The following ADAMTS19 variants were observed in gnomAD, a reference collection of about 807,000 sequenced individuals.
ADAMTS19 encodes the protein A disintegrin and metalloproteinase with thrombospondin motifs 19.
In ADAMTS19, 93 loss-of-function variants were observed where a neutral mutation model predicts 153.3. The observed-to-expected ratio is 0.61, with a 90% CI of 0.51 to 0.72. ADAMTS19 has a LOEUF of 0.72. Ranked by LOEUF, ADAMTS19 falls within the 30% of genes least tolerant of loss-of-function variation. The pLI is 0.00. For synonymous variants in ADAMTS19, 600 were observed against 556.6 expected, an observed-to-expected ratio of 1.08 and a Z score of -1.10; for missense variants, 1,482 against 1,552.1, an observed-to-expected ratio of 0.95 and a Z score of 0.76.
At chr5:129,576,016 A>G (rs1432407004) in intron 7 of ADAMTS19, among the ~76,000 whole-genome samples, 1 of 151,280 alleles carries the variant, frequency 6.6e-6, no homozygotes, top group Admixed American at 6.6e-5. Flanking sequence ...TTCCTTCCAT[A>G]TAAAAGCAAT....
chr5:129,607,839 C>T (rs940907830), intron 8 of ADAMTS19, among the ~76,000 whole-genome samples: 1 of 151,428 alleles, frequency 6.6e-6, no homozygotes, highest in Non-Finnish European at 1.5e-5. Context: ...TAATTCACAA[C>T]AGGTATGGAA....
At chr5:129,483,712 C>T (rs1750495794) in intron 2 of ADAMTS19, among the ~76,000 whole-genome samples, 1 of 152,118 alleles carries the variant, frequency 6.6e-6, no homozygotes, top group South Asian at 2.1e-4. Context: ...TTATGGGTAG[C>T]TCTTGCTGCA....
intron 7 of ADAMTS19, among the ~76,000 whole-genome samples, chr5:129,584,035 C>G (rs1260322221): frequency 6.6e-6 from 1 of 152,100 alleles, no homozygotes; most frequent in Non-Finnish European, 1.5e-5. Context: ...TGGTTTCTCC[C>G]CATCTTTGTG....
intron 2 of ADAMTS19, among the ~76,000 whole-genome samples, chr5:129,492,894 A>T (rs1750814529): frequency 6.6e-6 from 1 of 152,184 alleles, no homozygotes; most frequent in African/African-American, 2.4e-5. Context: ...ATGTTGAGAT[A>T]GTTTCTGTTT....
At chr5:129,622,688 C>G (rs554469138) in intron 10 of ADAMTS19, among the ~76,000 whole-genome samples, 24 of 152,156 alleles carry the variant, frequency 1.6e-4, no homozygotes, top group African/African-American at 5.8e-4. Flanking sequence ...GGTTTCAGTA[C>G]CCACATCCTG....
At chr5:129,492,868 A>T (rs1251667912) in intron 2 of ADAMTS19, among the ~76,000 whole-genome samples, 1 of 152,088 alleles carries the variant, frequency 6.6e-6, no homozygotes, top group Admixed American at 6.5e-5. Flanking sequence ...AGAGTTTACC[A>T]TTTTCTTAAT....
chr5:129,583,489 A>G (rs527286150), intron 7 of ADAMTS19, among the ~76,000 whole-genome samples: 6 of 152,088 alleles, frequency 3.9e-5, no homozygotes, highest in African/African-American at 1.2e-4. Flanking sequence ...CTCCTGGATA[A>G]TATCCTGAAG....
At chr5:129,606,672 T>C (rs1016973368) in intron 8 of ADAMTS19, among the ~76,000 whole-genome samples, 5 of 152,226 alleles carry the variant, frequency 3.3e-5, no homozygotes, top group African/African-American at 7.2e-5. Context: ...ATGACTTCTA[T>C]AGAGTGACTC....
chr5:129,562,597 T>C (rs1345520745), intron 7 of ADAMTS19, among the ~76,000 whole-genome samples: 2 of 152,190 alleles, frequency 1.3e-5, no homozygotes, highest in African/African-American at 2.4e-5. Context: ...CTGAGAATGA[T>C]TGATAATCAA....
chr5:129,515,508 A>G (rs1751573474), intron 3 of ADAMTS19, among the ~76,000 whole-genome samples: 1 of 151,524 alleles, frequency 6.6e-6, no homozygotes, highest in Non-Finnish European at 1.5e-5. Flanking sequence ...GAGGTCTTTC[A>G]CTTCTTTGGT....
At chr5:129,494,200 A>G (rs1393790849) in intron 2 of ADAMTS19, among the ~76,000 whole-genome samples, 1 of 152,120 alleles carries the variant, frequency 6.6e-6, no homozygotes, top group Non-Finnish European at 1.5e-5. Flanking sequence ...AGAAATATCT[A>G]TATTTCAAAA....
intron 7 of ADAMTS19, among the ~76,000 whole-genome samples, chr5:129,575,757 G>C (rs1315681123): frequency 6.6e-6 from 1 of 151,954 alleles, no homozygotes; most frequent in South Asian, 2.1e-4. Context: ...TATATTTTCC[G>C]AGGTACACTG....
intron 2 of ADAMTS19, among the ~76,000 whole-genome samples, chr5:129,496,712 A>G (rs1750937167): frequency 6.6e-6 from 1 of 152,056 alleles, no homozygotes; most frequent in Non-Finnish European, 1.5e-5. Context: ...TGCATGAGAT[A>G]AGTGCTGCAA....
At chr5:129,689,600 T>G (rs932468858) in intron 18 of ADAMTS19, among the ~76,000 whole-genome samples, 1 of 152,070 alleles carries the variant, frequency 6.6e-6, no homozygotes, top group Non-Finnish European at 1.5e-5. Context: ...AATTTTTTTG[T>G]ATTTTTAGTA....
intron 7 of ADAMTS19, among the ~76,000 whole-genome samples, chr5:129,567,540 AGAATAAAATAATTG>A (rs1399938497): frequency 1.9e-4 from 29 of 152,326 alleles, no homozygotes; most frequent in African/African-American, 6.7e-4. Flanking sequence ...TTTAGAATTA[AGAATAAAATAATTG>A]GAATAAAATC....
chr5:129,663,134 T>C (rs987272488), intron 15 of ADAMTS19, among the ~76,000 whole-genome samples: 20 of 152,122 alleles, frequency 1.3e-4, no homozygotes, highest in Admixed American at 1.3e-3. Context: ...GACCTTGTGA[T>C]CTGCCTGCCT....
intron 20 of ADAMTS19, among the ~76,000 whole-genome samples, chr5:129,702,887 A>C (rs1433061619): frequency 7.0e-6 from 1 of 143,880 alleles, no homozygotes; most frequent in Non-Finnish European, 1.5e-5. Flanking sequence ...TTTTACTTTA[A>C]GTTAAAACTC....
intron 8 of ADAMTS19, among the ~76,000 whole-genome samples, chr5:129,615,640 G>A (rs989947169): frequency 6.6e-6 from 1 of 151,896 alleles, no homozygotes; most frequent in South Asian, 2.1e-4. Flanking sequence ...ACACTCATAA[G>A]AACTAGCACC....
intron 7 of ADAMTS19, among the ~76,000 whole-genome samples, chr5:129,593,171 C>T (rs1750224667): frequency 6.6e-6 from 1 of 152,200 alleles, no homozygotes; most frequent in South Asian, 2.1e-4. Flanking sequence ...CTCCTGTTCC[C>T]CACTGGTGCT....
Sources: allele counts gnomAD v4.1 joint callset (sites outside exome capture counted in the v4.1 genomes callset), GRCh38; gene constraint gnomAD v4.1.1; transcripts MANE v1.5; gene names NCBI Gene and HGNC (gene_info 2026-07-23, HGNC 2026-07-21).